The following L3MBTL2 variants were observed in gnomAD, a reference collection of about 807,000 sequenced individuals.
L3MBTL2 encodes L3MBTL histone methyl-lysine binding protein 2.
Under a neutral mutation model 86.4 loss-of-function variants are expected in L3MBTL2, and 49 were observed. The ratio of observed to expected loss-of-function variants is 0.57; its 90% CI spans 0.45 to 0.72. The LOEUF is 0.72. L3MBTL2 is among the 30% of genes least tolerant of loss of function. The pLI is 0.00. For missense variants in L3MBTL2, 755 were observed against 923.7 expected (o/e 0.82, Z 2.37); for synonymous variants, 336 against 350.6 (o/e 0.96, Z 0.47).
chr22:41,206,524 T>C (rs1387353229), intron 1 of L3MBTL2, among the ~76,000 whole-genome samples: 2 of 151,242 alleles, frequency 1.3e-5, no homozygotes. Flanking sequence ...CCTTGCTGGG[T>C]GCGGTGGCTC....
At chr22:41,206,444 C>T (rs114576108) in intron 1 of L3MBTL2, among the ~76,000 whole-genome samples, 2,544 of 152,192 alleles carry the variant, frequency 0.017, 65 homozygotes, top group African/African-American at 0.058. Context: ...ACCTCAGCCT[C>T]CTAAGTAGCT....
chr22:41,219,445 T>C lies in L3MBTL2; in HGVS notation c.627T>C (p.Asp209=), dbSNP rs771920200. 5.0e-6 allele frequency: 8 copies of C among 1,613,438 alleles called. No homozygotes were observed. The East Asian group carries it at 1.6e-4, about 31-fold the overall frequency. The change falls in exon 6 of 17, where the codon GAT becomes GAC. Residue 209 remains aspartate (D), a synonymous_variant. Transcript: ENST00000216237. ...KHVPLYDQWE[D]VMKGMKVEVL... ...TCCCACTCTATGACCAGTGGGAGGA[T>C]GTGATGAAAGGGATGAAGGTGGAGG...
intron 16 of L3MBTL2, chr22:41,229,862 GC>G: frequency 1.2e-6 from 1 of 849,184 alleles, no homozygotes; most frequent in Admixed American, 2.0e-5. Context: ...CTCTAGCCCG[GC>G]CCCGGCCCCT....
At chr22:41,220,981 C>T in intron 7 of L3MBTL2, 113 bp downstream of exon 7, 2 of 1,282,332 alleles carry the variant, frequency 1.6e-6, no homozygotes, top group Non-Finnish European at 1.1e-6. Context: ...GAACAGAATC[C>T]ACTTGCCCCC....
chr22:41,224,205 C>T lies in L3MBTL2; in HGVS notation c.1128C>T (p.His376=), dbSNP rs1296003803. ...GCCACATGTGGAGCCCCCTGATCCA[C>T]CCAGTGGGTTGGTCACGACGTGTGG... ...FWCHMWSPLI[H]PVGWSRRVGH... Residue 376 remains histidine, a synonymous_variant, in exon 9 of 17, where the codon CAC becomes CAT. Coordinates refer to ENST00000216237, the MANE Select transcript of L3MBTL2 (RefSeq NM_031488.5). This position sits in a 1 kb window ranked among gnomAD's most constrained non-coding sequence, Gnocchi z 4.9. 2 of 1,613,942 alleles carry T rather than the reference C, an allele frequency of 1.2e-6. No individual in the cohort carries two copies. Among genetic ancestry groups the T allele is most frequent in the East Asian group, 4.5e-5 (2 of 44,874 alleles).
intron 2 of L3MBTL2, 132 bp downstream of exon 2, chr22:41,210,065 G>T: frequency 8.3e-7 from 1 of 1,201,134 alleles, no homozygotes; most frequent in Non-Finnish European, 1.1e-6. Context: ...TAAGGGATCA[G>T]ATGTGTAAGG....
chr22:41,218,748 G>C, intron 5 of L3MBTL2: 2 of 152,214 alleles, frequency 1.3e-5, no homozygotes, highest in Non-Finnish European at 2.9e-5. Flanking sequence ...CTCAGCCTCC[G>C]GAGTAGCTGG....
At chr22:41,223,750 C>A (rs530356254) in intron 8 of L3MBTL2, among the ~76,000 whole-genome samples, 1 of 152,312 alleles carries the variant, frequency 6.6e-6, no homozygotes, top group East Asian at 1.9e-4. Flanking sequence ...AACTCATTGG[C>A]GTTTTGGTGG....
rs746646163 is a variant in L3MBTL2 at position 41,227,284 on chromosome 22, G to A, written c.1783G>A (p.Glu595Lys). The change falls in exon 14 of 17, where the codon GAG becomes AAG. Residue 595 changes from glutamate to lysine, a missense_variant. Transcript: ENST00000216237. The surrounding 1 kb of genome is among the most constrained non-coding windows in gnomAD (Gnocchi z 6.0). The stretch of plus-strand genomic sequence containing the variant: ...AGACATCTACCCCGTCGGCTGGTGT[G>A]AGCTCACCGGCTACCAGCTCCAGCC... ...SPDIYPVGWC[E>K]LTGYQLQPPV... 1.2e-6 allele frequency: 2 copies of A among 1,610,750 alleles called. No individual in the cohort carries two copies. Among genetic ancestry groups the A allele is most frequent in the Non-Finnish European group, 1.7e-6 (2 of 1,178,914 alleles).
At position 41,209,855 on chromosome 22, in the gene L3MBTL2, G is replaced by A. The variant is rs779371352; in HGVS notation, c.184G>A (p.Gly62Arg). The A allele has an allele frequency of 6.2e-7, 1 of 1,614,204 alleles. No individual in the cohort carries two copies. The highest frequency in any genetic ancestry group is 1.1e-5 in the South Asian group (1 of 91,082). Residue 62 changes from glycine (G) to arginine (R), a missense_variant, in exon 2 of 17, where the codon GGG becomes AGG. Physicochemically the swap from Gly to Arg is moderately radical, Grantham distance 125. Transcript: ENST00000216237. Reference protein sequence around the residue: ...SEAENEDREAGELPTSPLHLL... With the variant: ...SEAENEDREARELPTSPLHLL... ...AGCAGAAAATGAGGATCGGGAAGCA[G>A]GGGAACTGCCGACCTCCCCGCTGCA... is the stretch of plus-strand genomic sequence containing the variant.
chr22:41,226,575 C>A, intron 12 of L3MBTL2, 87 bp from the exon 13 acceptor site: 1 of 944,192 alleles, frequency 1.1e-6, no homozygotes, highest in East Asian at 2.4e-5. Context: ...GACCAAGCTG[C>A]AGAGCTTCTT....
rs753658415 is a variant in L3MBTL2 at position 41,226,752 on chromosome 22, G to C, written c.1587+8G>C. On this transcript the variant is annotated splice_region_variant and intron_variant, in intron 13 of 16. Transcript: ENST00000216237. Reference sequence around the variant, plus strand: ...TCGAGACTCTTTAACATGGTGAGGAGACTGAAGTGGAGCAAGGGGCCTGCG... The same window carrying C: ...TCGAGACTCTTTAACATGGTGAGGACACTGAAGTGGAGCAAGGGGCCTGCG... 1.9e-5 allele frequency: 31 copies of C among 1,607,568 alleles called. No individual in the cohort carries two copies. In the South Asian group the frequency reaches 3.3e-4, roughly 17 times the overall value.
At position 41,224,821 on chromosome 22, in the gene L3MBTL2, C is replaced by T. The variant is rs73176644; in HGVS notation, c.1251+20C>T. Reference sequence around the variant, plus strand: ...AAGAAGGTGAGGTTCAGCTCTTGGGCGCTTTTCCCCTCAGCCATGGGTCCA... The same window carrying T: ...AAGAAGGTGAGGTTCAGCTCTTGGGTGCTTTTCCCCTCAGCCATGGGTCCA... On this transcript the variant is annotated intron_variant, in intron 10 of 16. Coordinates refer to ENST00000216237, the MANE Select transcript of L3MBTL2 (RefSeq NM_031488.5). This position sits in a 1 kb window ranked among gnomAD's most constrained non-coding sequence, Gnocchi z 4.9. 39,860 of 1,603,546 alleles carry T rather than the reference C, an allele frequency of 0.025. 656 individuals carry two copies. The highest frequency in any genetic ancestry group is 0.052 in the Middle Eastern group (311 of 6,038).
At chr22:41,228,084 A>G in intron 15 of L3MBTL2, 1 of 985,240 alleles carries the variant, frequency 1.0e-6, no homozygotes, top group Non-Finnish European at 1.2e-6. Context: ...ATAAATAGGG[A>G]GTGTTCAGTC....
chr22:41,211,195 C>T (rs2030750233), intron 2 of L3MBTL2, among the ~76,000 whole-genome samples: 1 of 151,992 alleles, frequency 6.6e-6, no homozygotes, highest in African/African-American at 2.4e-5. Flanking sequence ...TCCTTTAGAT[C>T]CCAAACTTTT....
chr22:41,217,621 G>A (rs1052413978), intron 5 of L3MBTL2: 2 of 185,008 alleles, frequency 1.1e-5, no homozygotes, highest in South Asian at 9.5e-5. Flanking sequence ...AAGGCTCCTC[G>A]ATGCGGATCA....
At chr22:41,222,672 C>A (rs923122358) in intron 8 of L3MBTL2, among the ~76,000 whole-genome samples, 1 of 151,810 alleles carries the variant, frequency 6.6e-6, no homozygotes, top group Non-Finnish European at 1.5e-5. Flanking sequence ...GTAATCCCAG[C>A]ACTTTGGGAG....
chr22:41,213,473 T>TTG (rs1555916433), intron 2 of L3MBTL2, among the ~76,000 whole-genome samples: 13 of 121,936 alleles, frequency 1.1e-4, no homozygotes, highest in Middle Eastern at 7.6e-3. Context: ...TTTTTTTTTT[T>TTG]GGGCAACAAG....
At chr22:41,214,106 A>G in intron 3 of L3MBTL2, 80 bp downstream of exon 3, 4 of 1,518,464 alleles carry the variant, frequency 2.6e-6, no homozygotes, top group Non-Finnish European at 3.6e-6. Flanking sequence ...GGCCAGGGCC[A>G]GGAAAGTTTG....
Sources: gnomAD v4.1 joint callset for allele counts (sites outside exome capture counted in the v4.1 genomes callset) on GRCh38, gnomAD v4.1.1 for gene constraint, Gnocchi (gnomAD v3.1) non-coding constraint, MANE v1.5 for transcripts, NCBI Gene and HGNC (gene_info 2026-07-23, HGNC 2026-07-21) for gene names.